Variants in CNPY1 observed in about 807,000 individuals in gnomAD.
The protein encoded by CNPY1 is canopy FGF signaling regulator 1, also known as protein canopy homolog 1.
A neutral mutation model predicts 14.4 loss-of-function variants in CNPY1; 14 were observed. The ratio of observed to expected loss-of-function variants is 0.97; its 90% CI spans 0.64 to 1.52. The LOEUF (loss-of-function observed/expected upper bound fraction) is 1.52. CNPY1 is among the 40% of genes most tolerant of loss of function. The pLI is 0.00. For missense variants in CNPY1, 129 were observed against 131.5 expected, an observed-to-expected ratio of 0.98 and a Z score of 0.09; for synonymous variants, 43 against 46.5, an observed-to-expected ratio of 0.92 and a Z score of 0.31.
At chr7:155,537,360 G>A (rs956202091) in intron 2 of CNPY1, among the ~76,000 whole-genome samples, 37 of 151,988 alleles carry the variant, frequency 2.4e-4, no homozygotes, top group African/African-American at 7.5e-4. Flanking sequence ...ACACCACCAG[G>A]AATGAAGCTG....
intron 2 of CNPY1, among the ~76,000 whole-genome samples, chr7:155,516,764 G>C (rs1796629265): frequency 6.6e-6 from 1 of 152,124 alleles, no homozygotes; most frequent in Admixed American, 6.5e-5. Flanking sequence ...GGAATGTCCT[G>C]GGCCCAGGGT....
chr7:155,521,550 A>G (rs1796725376), intron 2 of CNPY1, among the ~76,000 whole-genome samples: 1 of 152,180 alleles, frequency 6.6e-6, no homozygotes, highest in Non-Finnish European at 1.5e-5. Flanking sequence ...TGGGCCTGAA[A>G]TCGCCAGGCG....
At chr7:155,514,658 G>A (rs1796582879) in intron 2 of CNPY1, among the ~76,000 whole-genome samples, 1 of 152,184 alleles carries the variant, frequency 6.6e-6, no homozygotes, top group South Asian at 2.1e-4. Context: ...ACTTTGGAAG[G>A]CCGAGATGGG....
At position 155,508,904 on chromosome 7, in the gene CNPY1, A is replaced by T. The variant is rs1361760413; in HGVS notation, c.293T>A (p.Leu98Ter). 6.2e-7 allele frequency: 1 copy of T among 1,613,150 alleles called. No individual in the cohort carries two copies. Among genetic ancestry groups the T allele is most frequent in the South Asian group, 1.1e-5 (1 of 90,714 alleles). Residue 98 changes from leucine to a stop codon, truncating the protein, a stop_gained, in exon 3 of 5, where the codon TTG (leucine) becomes TAG (stop). Transcript: ENST00000636446. LOFTEE classifies it high-confidence loss of function. ...AGGAAGAGAGCTTACCGCAAATTTC[A>T]AAGGTCTGTAAGCATCAGAATAAAA... ...LYFYSDAYRP[L>*]KFACETIIEE...
rs73163379 is a variant in CNPY1, at chr7:155,509,022, G to C, written c.175C>G (p.Leu59Val). 1.3e-3 allele frequency: 2,144 copies of C among 1,613,202 alleles called. 4 individuals carry two copies. Among genetic ancestry groups the C allele is most frequent in the Middle Eastern group, 6.8e-3 (41 of 6,056 alleles). Residue 59 changes from leucine (L) to valine (V), a missense_variant, in exon 3 of 5, where the codon CTT becomes GTT. Transcript: ENST00000636446. Reference protein sequence around the residue: ...KVCERMNDYKLEEDPVTKERT... With the variant: ...KVCERMNDYKVEEDPVTKERT... ...TCCTTCGTCACAGGGTCTTCCTCAA[G>C]CTTGTAGTCGTTCATTCGCTCACAG...
chr7:155,528,237 T>C lies in CNPY1; in HGVS notation c.99+17594A>G, dbSNP rs549420135. On this transcript the variant is annotated intron_variant, in intron 2 of 4. Coordinates refer to ENST00000636446, the MANE Select transcript of CNPY1 (RefSeq NM_001393663.1). ...GGCAGGAGAATAAGACCCCTTTTAA[T>C]ATAAAATTAAAACCTCTCCACCAGA... Among the ~76,000 whole-genome samples the C allele has an allele frequency of 2.8e-3, 426 of 152,362 alleles. 3 individuals are homozygous for C. Among genetic ancestry groups the C allele is most frequent in the Non-Finnish European group, 4.3e-3 (293 of 68,036 alleles).
At position 155,530,492 on chromosome 7, in the gene CNPY1, A is replaced by G. The variant is rs185582636; in HGVS notation, c.99+15339T>C. Among the ~76,000 whole-genome samples, 7 of 152,110 alleles carry G rather than the reference A, an allele frequency of 4.6e-5. No individual in the cohort carries two copies. In the East Asian group the frequency reaches 1.4e-3, roughly 29 times the overall value. ...CAGATGTGTACCACCATGCCCAGCT[A>G]TATCTTTTTAACAAAGTTTTTTACA... On this transcript the variant is annotated intron_variant, in intron 2 of 4. Coordinates refer to ENST00000636446, the MANE Select transcript of CNPY1 (RefSeq NM_001393663.1).
At chr7:155,506,397 A>G (rs937093188) in intron 4 of CNPY1, among the ~76,000 whole-genome samples, 5 of 152,220 alleles carry the variant, frequency 3.3e-5, no homozygotes, top group Non-Finnish European at 7.3e-5. Context: ...TCAACTTTGT[A>G]TATTATAAAT....
At chr7:155,541,230 G>A (rs1030224539) in intron 2 of CNPY1, among the ~76,000 whole-genome samples, 2 of 152,186 alleles carry the variant, frequency 1.3e-5, no homozygotes, top group African/African-American at 2.4e-5. Flanking sequence ...AGAGACCTCC[G>A]CGAGCGGAGC....
At chr7:155,543,444 T>C (rs1324436109) in intron 2 of CNPY1, among the ~76,000 whole-genome samples, 2 of 152,188 alleles carry the variant, frequency 1.3e-5, no homozygotes, top group Non-Finnish European at 2.9e-5. Context: ...GATCCCCTAC[T>C]TCCGAATTTG....
intron 4 of CNPY1, among the ~76,000 whole-genome samples, chr7:155,504,719 C>T (rs866042564): frequency 6.6e-5 from 9 of 136,872 alleles, no homozygotes; most frequent in Non-Finnish European, 1.3e-4. Context: ...CACACACACA[C>T]ACACACACAG....
At position 155,538,491 on chromosome 7, in the gene CNPY1, C is replaced by G. The variant is rs1322659784; in HGVS notation, c.99+7340G>C. Among the ~76,000 whole-genome samples, 9 of 152,216 alleles carry G rather than the reference C, an allele frequency of 5.9e-5. No individual in the cohort carries two copies. In the East Asian group the frequency reaches 1.5e-3, roughly 26 times the overall value. ...ATCCACCAAAGAGCCCTCCCACCCC[C>G]CTCCTGCTAACCCCAGACTCTGCCC... On this transcript the variant is annotated intron_variant, in intron 2 of 4. Coordinates refer to ENST00000636446, the MANE Select transcript of CNPY1 (RefSeq NM_001393663.1).
At chr7:155,527,054 C>CTTTCTTTCTTTCTTTCTTTCTT (rs56296833) in intron 2 of CNPY1, among the ~76,000 whole-genome samples, 1,744 of 90,254 alleles carry the variant, frequency 0.019, 49 homozygotes, top group Middle Eastern at 0.026. Context: ...TTCTTTCTTT[C>CTTTCTTTCTTTCTTTCTTTCTT]TTTTTTTTTT....
intron 2 of CNPY1, among the ~76,000 whole-genome samples, chr7:155,517,640 A>G (rs1221318244): frequency 6.6e-6 from 1 of 152,122 alleles, no homozygotes; most frequent in East Asian, 1.9e-4. Flanking sequence ...GCACATGCAA[A>G]AAATGGTTCA....
chr7:155,508,838 A>T, intron 3 of CNPY1, 56 bp downstream of exon 3: 1 of 1,573,926 alleles, frequency 6.4e-7, no homozygotes, highest in Non-Finnish European at 8.6e-7. Flanking sequence ...AACAAAAAAG[A>T]GTTCCAAAAA....
intron 2 of CNPY1, among the ~76,000 whole-genome samples, chr7:155,509,806 C>CCGGAATT (rs1796475106): frequency 6.6e-6 from 1 of 152,228 alleles, no homozygotes; most frequent in Non-Finnish European, 1.5e-5. Flanking sequence ...CCCTCTCCCT[C>CCGGAATT]CGGAATTCGG....
At chr7:155,532,215 C>T (rs1363974919) in intron 2 of CNPY1, among the ~76,000 whole-genome samples, 1 of 152,216 alleles carries the variant, frequency 6.6e-6, no homozygotes, top group Non-Finnish European at 1.5e-5. Context: ...TTCGTGGGTT[C>T]TGCTCACAGA....
At chr7:155,534,376 C>T (rs1796997325) in intron 2 of CNPY1, among the ~76,000 whole-genome samples, 1 of 152,010 alleles carries the variant, frequency 6.6e-6, no homozygotes, top group African/African-American at 2.4e-5. Flanking sequence ...GGCACACACA[C>T]GCATGCATAG....
At chr7:155,534,817 G>A (rs1397067426) in intron 2 of CNPY1, among the ~76,000 whole-genome samples, 4 of 152,208 alleles carry the variant, frequency 2.6e-5, no homozygotes, top group Non-Finnish European at 4.4e-5. Flanking sequence ...CTGAGGGAGC[G>A]GGCGCTGGGC....
Sources: allele counts gnomAD v4.1 joint callset (sites outside exome capture counted in the v4.1 genomes callset), GRCh38; gene constraint gnomAD v4.1.1; transcripts MANE v1.5; gene names NCBI Gene and HGNC (gene_info 2026-07-23, HGNC 2026-07-21).